The following TRAK2 variants were observed in gnomAD, a reference collection of about 807,000 sequenced individuals.
TRAK2 encodes the protein trafficking kinesin protein 2.
TRAK2 carries 81 observed loss-of-function variants against 104.6 expected under a neutral mutation model. That is an observed-to-expected ratio of 0.77 (90% CI 0.65 to 0.93). The LOEUF (loss-of-function observed/expected upper bound fraction) is 0.93, where lower values mean the gene tolerates loss of function less well. Ranked by LOEUF, TRAK2 falls within the 40% of genes least tolerant of loss-of-function variation. The pLI is 0.00. For synonymous variants in TRAK2, 406 were observed against 394.4 expected (o/e 1.03, Z -0.35); for missense variants, 1,002 against 1,089.0 (o/e 0.92, Z 1.12).
At chr2:201,440,358 T>C (rs1424642018) in intron 1 of TRAK2, among the ~76,000 whole-genome samples, 1 of 152,192 alleles carries the variant, frequency 6.6e-6, no homozygotes, top group African/African-American at 2.4e-5. Flanking sequence ...AAGCAGGTTA[T>C]CAGAACACCC....
intron 2 of TRAK2, among the ~76,000 whole-genome samples, chr2:201,408,728 G>A (rs1951618482): frequency 6.6e-6 from 1 of 152,036 alleles, no homozygotes; most frequent in Non-Finnish European, 1.5e-5. Flanking sequence ...TACATGCCTG[G>A]GGGAAAAAGC....
At position 201,380,876 on chromosome 2, in the gene TRAK2, G is replaced by C. The variant is rs1183872009; in HGVS notation, c.2412C>G (p.Ala804=). The C allele has an allele frequency of 1.2e-6, 2 of 1,614,030 alleles. No homozygotes were observed. The highest frequency in any genetic ancestry group is 1.1e-5 in the South Asian group (1 of 91,072). The part of the protein sequence containing the change: ...PRVHLSENFL[A]SRPAETFLQE... ...GGAGGAATGTCTCAGCTGGTCGAGA[G>C]GCCAAAAAATTTTCAGAGAGATGCA... is the stretch of plus-strand genomic sequence containing the variant. Residue 804 remains alanine, a synonymous_variant, in exon 16 of 16, where the codon GCC becomes GCG. Transcript: ENST00000332624.
At chr2:201,441,619 C>T (rs1399744837) in intron 1 of TRAK2, among the ~76,000 whole-genome samples, 2 of 151,062 alleles carry the variant, frequency 1.3e-5, no homozygotes, top group East Asian at 3.9e-4. Context: ...ATCTCAGAAG[C>T]ATTTTAGTTG....
intron 1 of TRAK2, among the ~76,000 whole-genome samples, chr2:201,444,296 TCA>T (rs1329608122): frequency 2.0e-5 from 3 of 152,154 alleles, no homozygotes; most frequent in Non-Finnish European, 4.4e-5. Flanking sequence ...ACACCTCTCA[TCA>T]CAGTCTGTGA....
intron 1 of TRAK2, among the ~76,000 whole-genome samples, chr2:201,442,230 A>C (rs1951930850): frequency 6.6e-6 from 1 of 151,612 alleles, no homozygotes; most frequent in Admixed American, 6.6e-5. Flanking sequence ...TCTCTACTAA[A>C]AATACAAAAA....
At chr2:201,431,249 T>C (rs1951839835) in intron 1 of TRAK2, among the ~76,000 whole-genome samples, 1 of 152,240 alleles carries the variant, frequency 6.6e-6, no homozygotes, top group Admixed American at 6.5e-5. Flanking sequence ...TCCATAGCAG[T>C]GTGGCTATAC....
At chr2:201,422,295 G>A (rs149696356) in intron 1 of TRAK2, among the ~76,000 whole-genome samples, 52 of 152,112 alleles carry the variant, frequency 3.4e-4, no homozygotes, top group Middle Eastern at 3.4e-3. Flanking sequence ...TAAATAAATG[G>A]TTTAATAACA....
intron 4 of TRAK2, 87 bp from the exon 5 acceptor site, chr2:201,399,580 T>C (rs1197082904): frequency 5.4e-6 from 5 of 931,816 alleles, no homozygotes; most frequent in Non-Finnish European, 8.6e-6. Context: ...TTTGGTAAAA[T>C]CAAAAGCAAC....
chr2:201,412,547 T>C, intron 2 of TRAK2: 3 of 1,252,864 alleles, frequency 2.4e-6, no homozygotes, highest in East Asian at 2.3e-5. Context: ...ACAGCATACA[T>C]AACAGTTCCT....
intron 1 of TRAK2, among the ~76,000 whole-genome samples, chr2:201,450,338 C>G (rs1952017407): frequency 6.6e-6 from 1 of 151,950 alleles, no homozygotes; most frequent in South Asian, 2.1e-4. Flanking sequence ...TCGCTTGAAT[C>G]CGGGAGGCGG....
At chr2:201,386,582 C>G in intron 13 of TRAK2, 98 bp from the exon 14 acceptor site, 2 of 1,433,534 alleles carry the variant, frequency 1.4e-6, no homozygotes, top group Admixed American at 2.0e-5. Flanking sequence ...ACAATAATGA[C>G]AGCAATAAAA....
At chr2:201,430,628 C>A (rs1451491620) in intron 1 of TRAK2, among the ~76,000 whole-genome samples, 2 of 152,368 alleles carry the variant, frequency 1.3e-5, no homozygotes, top group Non-Finnish European at 2.9e-5. Flanking sequence ...CCCTCTGAGC[C>A]AGGCATGGGA....
chr2:201,409,578 A>G (rs927210797), intron 2 of TRAK2, among the ~76,000 whole-genome samples: 2 of 152,262 alleles, frequency 1.3e-5, no homozygotes, highest in Non-Finnish European at 2.9e-5. Flanking sequence ...ATGCTAAAAT[A>G]TAATTTACAA....
chr2:201,396,481 T>C (rs1198156020), intron 7 of TRAK2, among the ~76,000 whole-genome samples: 1 of 152,192 alleles, frequency 6.6e-6, no homozygotes. Flanking sequence ...CTGCAGTGGG[T>C]ACCTGAAACC....
At chr2:201,410,621 G>C in intron 2 of TRAK2, 1 of 1,294,092 alleles carries the variant, frequency 7.7e-7, no homozygotes, top group Non-Finnish European at 1.1e-6. Flanking sequence ...GCAAAGTTCT[G>C]TGGGTTGAAG....
intron 4 of TRAK2, among the ~76,000 whole-genome samples, chr2:201,400,031 G>T (rs1951536814): frequency 6.6e-6 from 1 of 152,046 alleles, no homozygotes; most frequent in South Asian, 2.1e-4. Flanking sequence ...GTTGTCAACT[G>T]GTTCAAGAAT....
At chr2:201,416,350 G>A (rs115390130) in intron 2 of TRAK2, among the ~76,000 whole-genome samples, 3,406 of 151,996 alleles carry the variant, frequency 0.022, 132 homozygotes, top group African/African-American at 0.079. Context: ...AGGCTGCAGT[G>A]AGCCATGATC....
intron 1 of TRAK2, among the ~76,000 whole-genome samples, chr2:201,430,819 G>A (rs562912858): frequency 2.0e-5 from 3 of 152,262 alleles, no homozygotes; most frequent in South Asian, 2.1e-4. Context: ...CACCCTCCGC[G>A]GGCTGCACCC....
At chr2:201,420,919 C>G (rs900231109) in intron 1 of TRAK2, among the ~76,000 whole-genome samples, 1 of 152,160 alleles carries the variant, frequency 6.6e-6, no homozygotes, top group Non-Finnish European at 1.5e-5. Flanking sequence ...GTCCACTTAT[C>G]TATAGTGACA....
Sources: gnomAD v4.1 joint callset for allele counts (sites outside exome capture counted in the v4.1 genomes callset) on GRCh38, gnomAD v4.1.1 for gene constraint, MANE v1.5 for transcripts, NCBI Gene and HGNC (gene_info 2026-07-23, HGNC 2026-07-21) for gene names.